PLPP4: variants seen among roughly 807,000 people sequenced by gnomAD.
The protein encoded by PLPP4 is diacylglycerol pyrophosphate like 2.
In PLPP4, 20 loss-of-function variants were observed where a neutral mutation model predicts 32.2. That is an observed-to-expected ratio of 0.62 (90% CI 0.44 to 0.90). The LOEUF is 0.90. Among genes scored for constraint, PLPP4 ranks in the 40% least tolerant of loss-of-function variants. PLPP4 has a pLI of 0.00. For missense variants in PLPP4, 257 were observed against 353.1 expected (o/e 0.73, Z 2.18); for synonymous variants, 127 against 133.0 (o/e 0.95, Z 0.31).
At chr10:120,529,238 G>A (rs1445174007) in intron 5 of PLPP4, among the ~76,000 whole-genome samples, 2 of 152,038 alleles carry the variant, frequency 1.3e-5, no homozygotes, top group Admixed American at 6.6e-5. Flanking sequence ...TTGGCATCTC[G>A]AGAACAGAGG....
intron 5 of PLPP4, among the ~76,000 whole-genome samples, chr10:120,547,409 T>G (rs2133977144): frequency 6.6e-6 from 1 of 152,322 alleles, no homozygotes; most frequent in Admixed American, 6.5e-5. Context: ...AATCACATTT[T>G]TGAAGTGGAC....
chr10:120,563,874 T>C (rs1261835252), intron 5 of PLPP4, among the ~76,000 whole-genome samples: 3 of 151,742 alleles, frequency 2.0e-5, no homozygotes, highest in Non-Finnish European at 4.4e-5. Flanking sequence ...TGAGATATTT[T>C]AGTAATTTTT....
At chr10:120,514,750 C>T (rs1464861687) in intron 3 of PLPP4, among the ~76,000 whole-genome samples, 2 of 152,148 alleles carry the variant, frequency 1.3e-5, no homozygotes, top group African/African-American at 4.8e-5. Context: ...AACCTGTAGC[C>T]AGGTTTTCAG....
At chr10:120,582,188 T>C (rs750404576) in intron 6 of PLPP4, among the ~76,000 whole-genome samples, 1 of 152,186 alleles carries the variant, frequency 6.6e-6, no homozygotes, top group Non-Finnish European at 1.5e-5. Flanking sequence ...CAGAAAGATA[T>C]TGTCTCACCG....
chr10:120,562,024 GTAAATC>G (rs1332328519), intron 5 of PLPP4, among the ~76,000 whole-genome samples: 1 of 152,140 alleles, frequency 6.6e-6, no homozygotes, highest in Non-Finnish European at 1.5e-5. Context: ...TGGGATTTTA[GTAAATC>G]TAGGGTTCAA....
intron 5 of PLPP4, among the ~76,000 whole-genome samples, chr10:120,566,601 G>A (rs1050693057): frequency 3.3e-5 from 5 of 149,378 alleles, no homozygotes; most frequent in Admixed American, 1.3e-4. Flanking sequence ...GGAGTGCAAT[G>A]GTGCAGTCTC....
At chr10:120,522,102 C>T (rs2133912040) in intron 5 of PLPP4, among the ~76,000 whole-genome samples, 2 of 152,176 alleles carry the variant, frequency 1.3e-5, no homozygotes, top group East Asian at 3.9e-4. Flanking sequence ...ACTATGGTCA[C>T]AGGTGACCAT....
chr10:120,457,839 G>A (rs1220993533), intron 1 of PLPP4, among the ~76,000 whole-genome samples: 2 of 152,218 alleles, frequency 1.3e-5, no homozygotes, highest in Non-Finnish European at 2.9e-5. Flanking sequence ...GTCCTGGCGA[G>A]CGTTTTCCCA....
At chr10:120,536,160 G>A (rs971450555) in intron 5 of PLPP4, among the ~76,000 whole-genome samples, 1 of 151,866 alleles carries the variant, frequency 6.6e-6, no homozygotes, top group African/African-American at 2.4e-5. Context: ...AATTCCAAAG[G>A]CATTTAGGCA....
intron 5 of PLPP4, among the ~76,000 whole-genome samples, chr10:120,569,942 C>T (rs1426189038): frequency 1.3e-5 from 2 of 152,220 alleles, no homozygotes; most frequent in African/African-American, 4.8e-5. Context: ...CTAAGAACAT[C>T]TGTGATTTTT....
At chr10:120,527,778 G>A (rs937741448) in intron 5 of PLPP4, among the ~76,000 whole-genome samples, 3 of 152,180 alleles carry the variant, frequency 2.0e-5, no homozygotes, top group African/African-American at 7.2e-5. Flanking sequence ...CCAGCTGCGT[G>A]TCTGGGAGTT....
chr10:120,575,261 T>A lies in PLPP4; in HGVS notation c.576T>A (p.Ile192=). The A allele has an allele frequency of 6.2e-7, 1 of 1,614,154 alleles. No individual in the cohort carries two copies. Among genetic ancestry groups the A allele is most frequent in the Non-Finnish European group, 8.5e-7 (1 of 1,180,026 alleles). The change falls in exon 6 of 7, where the codon ATT becomes ATA. Residue 192 remains isoleucine (I), a synonymous_variant. Coordinates refer to ENST00000398250, the MANE Select transcript of PLPP4 (RefSeq NM_001030059.3). The part of the protein sequence containing the change: ...AILPLYCAMM[I]ALSRMCDYKH... ...TGCCCTTGTACTGCGCCATGATGATTGCCCTGTCCCGCATGTGCGACTACA... is the reference window on the plus strand; with the variant it reads ...TGCCCTTGTACTGCGCCATGATGATAGCCCTGTCCCGCATGTGCGACTACA...
At chr10:120,560,257 A>G (rs553425849) in intron 5 of PLPP4, among the ~76,000 whole-genome samples, 1 of 151,808 alleles carries the variant, frequency 6.6e-6, no homozygotes, top group African/African-American at 2.4e-5. Flanking sequence ...CTGACTATGC[A>G]CTATAGGTTG....
intron 1 of PLPP4, among the ~76,000 whole-genome samples, chr10:120,482,946 A>G (rs1319256200): frequency 6.6e-6 from 1 of 152,014 alleles, no homozygotes; most frequent in Non-Finnish European, 1.5e-5. Flanking sequence ...GTTGCCAAAG[A>G]AGATTAGCAT....
intron 5 of PLPP4, among the ~76,000 whole-genome samples, chr10:120,538,496 A>G (rs1052895301): frequency 1.3e-5 from 2 of 152,058 alleles, no homozygotes; most frequent in African/African-American, 4.8e-5. Context: ...TAGACATAGA[A>G]AAGGCGTTTC....
At chr10:120,538,347 T>C (rs563467322) in intron 5 of PLPP4, among the ~76,000 whole-genome samples, 1 of 151,718 alleles carries the variant, frequency 6.6e-6, no homozygotes, top group East Asian at 2.0e-4. Flanking sequence ...ATGAAACAGA[T>C]CATTCTATAG....
intron 5 of PLPP4, among the ~76,000 whole-genome samples, chr10:120,546,638 T>TA (rs1446327464): frequency 2.0e-5 from 3 of 152,188 alleles, no homozygotes; most frequent in Non-Finnish European, 4.4e-5. Context: ...CTCCTGCTCC[T>TA]TCCCCCAACG....
intron 6 of PLPP4, among the ~76,000 whole-genome samples, chr10:120,588,196 A>G (rs141123093): frequency 1.3e-5 from 2 of 152,364 alleles, no homozygotes; most frequent in East Asian, 3.9e-4. Flanking sequence ...TTCAGCAAAA[A>G]TAACCCATAG....
At chr10:120,583,205 A>G (rs141267900) in intron 6 of PLPP4, among the ~76,000 whole-genome samples, 112 of 151,930 alleles carry the variant, frequency 7.4e-4, no homozygotes, top group African/African-American at 2.7e-3. Context: ...CTGACAGCAC[A>G]TCTTCAGAAG....
Sources: gnomAD v4.1 joint callset for allele counts (sites outside exome capture counted in the v4.1 genomes callset) on GRCh38, gnomAD v4.1.1 for gene constraint, MANE v1.5 for transcripts, NCBI Gene and HGNC (gene_info 2026-07-23, HGNC 2026-07-21) for gene names.